Variants in SLF2 observed in about 807,000 individuals in gnomAD.
SLF2 encodes SMC5/6 complex localization factor 2.
SLF2 carries 68 observed loss-of-function variants against 124.3 expected under a neutral mutation model. The observed-to-expected ratio is 0.55, with a 90% CI of 0.45 to 0.67. SLF2 has a LOEUF of 0.67. SLF2 is among the 30% of genes least tolerant of loss of function. The pLI is 0.00. For missense variants in SLF2, 1,246 were observed against 1,373.7 expected, an observed-to-expected ratio of 0.91 and a Z score of 1.47; for synonymous variants, 480 against 478.8, an observed-to-expected ratio of 1.00 and a Z score of -0.03.
At chr10:100,927,359 G>A (rs1032275773) in intron 6 of SLF2, among the ~76,000 whole-genome samples, 2 of 152,030 alleles carry the variant, frequency 1.3e-5, no homozygotes, top group Non-Finnish European at 2.9e-5. Flanking sequence ...GTCCTTTTAC[G>A]ACTGTTTATT....
chr10:100,950,255 TATC>T (rs776721837), intron 16 of SLF2, 48 bp downstream of exon 16: 1 of 1,560,776 alleles, frequency 6.4e-7, no homozygotes, highest in Admixed American at 1.8e-5. Flanking sequence ...GCATAACTGT[TATC>T]AGCTTACTAA....
chr10:100,949,325 C>T (rs1310839863), intron 15 of SLF2, among the ~76,000 whole-genome samples: 1 of 151,994 alleles, frequency 6.6e-6, no homozygotes, highest in Non-Finnish European at 1.5e-5. Flanking sequence ...CCTTTTTTGC[C>T]CATGTAAAAT....
chr10:100,961,701 A>G (rs917116171), intron 19 of SLF2, among the ~76,000 whole-genome samples, 176 bp from the exon 20 acceptor site: 2 of 152,198 alleles, frequency 1.3e-5, no homozygotes, highest in South Asian at 4.1e-4. Flanking sequence ...TTGTTGTTTG[A>G]CTACTGAATG....
chr10:100,934,198 A>G (rs1346490704), intron 9 of SLF2, among the ~76,000 whole-genome samples: 1 of 152,244 alleles, frequency 6.6e-6, no homozygotes, highest in African/African-American at 2.4e-5. Flanking sequence ...TATTTCAGAT[A>G]GCAGTAAATT....
chr10:100,928,068 C>CAGAGA (rs1491324670), intron 6 of SLF2, among the ~76,000 whole-genome samples: 1 of 59,532 alleles, frequency 1.7e-5, no homozygotes, highest in African/African-American at 5.6e-5. Flanking sequence ...CACACACACA[C>CAGAGA]GAGAGAGAGA....
At position 100,960,998 on chromosome 10, in the gene SLF2, CTTTTTT is replaced by C. The variant is rs59983480; in HGVS notation, c.3487-855_3487-850del. Among the ~76,000 whole-genome samples the C allele has an allele frequency of 5.7e-4, 35 of 61,400 alleles. 1 individual carries two copies. In the South Asian group the frequency reaches 0.025, roughly 44 times the overall value. 40.3% of individuals were successfully genotyped at this position (61,400 alleles called of 152,430 possible). A position where few individuals can be genotyped will look rare whatever the true frequency, so the allele number is the denominator to read the frequency against. On this transcript the variant is annotated intron_variant, in intron 19 of 19. Coordinates refer to ENST00000238961, the MANE Select transcript of SLF2 (RefSeq NM_018121.4). ...GTGAGAACTGAGATATTCTGTACTTCTTTTTTTTTTTTTTTTTTTTTTTTTTTTTGA... is the reference window on the plus strand; with the variant it reads ...GTGAGAACTGAGATATTCTGTACTTCTTTTTTTTTTTTTTTTTTTTTTTGA...
In SLF2 at chr10:100,929,298, C is replaced by T; in HGVS notation, c.2043-19C>T. On this transcript the variant is annotated intron_variant, in intron 6 of 19. Coordinates refer to ENST00000238961, the MANE Select transcript of SLF2 (RefSeq NM_018121.4). ...ATATTTTTAGAGTAAACTGTTATAA[C>T]ATTCTTTCCAATTCTCAGGCTAGAT... 1.3e-6 allele frequency: 2 copies of T among 1,595,034 alleles called. No homozygotes were observed. Among genetic ancestry groups the T allele is most frequent in the Non-Finnish European group, 1.7e-6 (2 of 1,172,518 alleles).
chr10:100,945,008 C>T (rs1286203880), intron 12 of SLF2, among the ~76,000 whole-genome samples: 2 of 150,764 alleles, frequency 1.3e-5, no homozygotes, highest in Admixed American at 6.6e-5. Context: ...CCAGCCTGGG[C>T]GACAGAGTGA....
chr10:100,949,124 G>A (rs575716410), intron 15 of SLF2, among the ~76,000 whole-genome samples: 128 of 152,252 alleles, frequency 8.4e-4, no homozygotes, highest in African/African-American at 2.6e-3. Flanking sequence ...AGAGACTGAT[G>A]GGCACAGCTG....
intron 17 of SLF2, among the ~76,000 whole-genome samples, chr10:100,951,695 T>TA (rs896811760): frequency 3.9e-4 from 60 of 152,372 alleles, no homozygotes; most frequent in Non-Finnish European, 8.1e-4. Flanking sequence ...ATGCTTTAGT[T>TA]ATTGCTGTCA....
intron 11 of SLF2, among the ~76,000 whole-genome samples, chr10:100,941,197 A>G (rs1849969601): frequency 6.6e-6 from 1 of 152,082 alleles, no homozygotes; most frequent in African/African-American, 2.4e-5. Flanking sequence ...TGGTGTGTAT[A>G]TGCATATTCA....
At chr10:100,930,034 T>C in intron 8 of SLF2, 37 bp downstream of exon 8, 1 of 1,359,068 alleles carries the variant, frequency 7.4e-7, no homozygotes, top group Non-Finnish European at 9.9e-7. Context: ...TTTATATGTA[T>C]AAAAAATTAC....
At position 100,930,987 on chromosome 10, in the gene SLF2, C is replaced by A; in HGVS notation, c.2345C>A (p.Thr782Lys). The change falls in exon 9 of 20, where the codon ACA becomes AAA. Residue 782 changes from threonine to lysine, a missense_variant. Physicochemically the swap from Thr to Lys is moderately conservative, Grantham distance 78. This residue lies in a region of SLF2 where 535 missense variants were observed against 632.8 expected (regional missense o/e 0.85). Transcript: ENST00000238961. ...CTTTATTTTTTCAGATCGGGAAAAA[C>A]AGATCAGATTTTTTTGACAACACAA... is the stretch of plus-strand genomic sequence containing the variant. ...VEKLILKSGK[T>K]DQIFLTTQGF... 1.2e-6 allele frequency: 2 copies of A among 1,613,662 alleles called. No individual in the cohort carries two copies. Among genetic ancestry groups the A allele is most frequent in the Non-Finnish European group, 1.7e-6 (2 of 1,179,680 alleles).
chr10:100,959,242 T>C (rs1448443844), intron 18 of SLF2, among the ~76,000 whole-genome samples, 186 bp from the exon 19 acceptor site: 1 of 152,264 alleles, frequency 6.6e-6, no homozygotes, highest in Non-Finnish European at 1.5e-5. Context: ...GGGAGTCTTA[T>C]TAATTTCTAT....
chr10:100,945,375 C>G lies in SLF2; in HGVS notation c.2803C>G (p.Arg935Gly), dbSNP rs367702979. ...TATACATCCAGAAGGTTACCAGGAT[C>G]GTGAAATAATGTTGCTGATTTTAAT... The part of the protein sequence containing the change: ...TSIHPEGYQD[R>G]EIMLLILMLF... Residue 935 changes from arginine (R) to glycine (G), a missense_variant, in exon 13 of 20, where the codon CGT (arginine) becomes GGT (glycine). Arg to Gly is a moderately radical substitution (Grantham distance 125, BLOSUM62 -2). Transcript: ENST00000238961. 1.6e-5 allele frequency: 25 copies of G among 1,601,506 alleles called. No individual in the cohort carries two copies. Among genetic ancestry groups the G allele is most frequent in the Non-Finnish European group, 2.0e-5 (23 of 1,177,092 alleles).
Position 100,913,091 on chromosome 10 carries a change from C to T in SLF2, c.-20C>T, listed in dbSNP as rs781026571. 8.1e-6 allele frequency: 13 copies of T among 1,608,638 alleles called. No individual in the cohort carries two copies. In the East Asian group the frequency reaches 2.7e-4, roughly 34 times the overall value. On this transcript the variant is annotated 5_prime_UTR_variant, in exon 1 of 20. Transcript: ENST00000238961. Reference sequence around the variant, plus strand: ...ACTTCTCCAGCCACGGCTCATGCCGCCGTCGCCAGCGGCGCCGACATGACA... The same window carrying T: ...ACTTCTCCAGCCACGGCTCATGCCGTCGTCGCCAGCGGCGCCGACATGACA...
intron 10 of SLF2, among the ~76,000 whole-genome samples, 182 bp from the exon 11 acceptor site, chr10:100,938,412 AT>A (rs1441086435): frequency 6.6e-6 from 1 of 151,968 alleles, no homozygotes; most frequent in Non-Finnish European, 1.5e-5. Flanking sequence ...TCATTTTCTT[AT>A]TTTATTTGGG....
intron 6 of SLF2, chr10:100,926,349 A>G: frequency 7.4e-7 from 1 of 1,353,558 alleles, no homozygotes; most frequent in South Asian, 1.6e-5. Flanking sequence ...TCATGCCTGT[A>G]ATCCAGTACT....
At chr10:100,928,285 T>C (rs895436605) in intron 6 of SLF2, among the ~76,000 whole-genome samples, 4 of 152,110 alleles carry the variant, frequency 2.6e-5, no homozygotes, top group Admixed American at 1.3e-4. Context: ...GTGCTACATA[T>C]CTCAAACTTG....
Sources: allele counts gnomAD v4.1 joint callset (sites outside exome capture counted in the v4.1 genomes callset), GRCh38; gene constraint gnomAD v4.1.1; regional missense constraint gnomAD v4.1.1; transcripts MANE v1.5; gene names NCBI Gene and HGNC (gene_info 2026-07-23, HGNC 2026-07-21).